LRIG1: variants seen among roughly 807,000 people sequenced by gnomAD.
LRIG1 encodes the protein leucine-rich repeats and immunoglobulin-like domains protein 1.
In LRIG1, 48 loss-of-function variants were observed where a neutral mutation model predicts 99.2. The observed-to-expected ratio is 0.48, with a 90% CI of 0.38 to 0.62. LRIG1 has a LOEUF of 0.62. Ranked by LOEUF, LRIG1 falls within the 20% of genes least tolerant of loss-of-function variation. LRIG1 has a pLI of 0.00. For missense variants in LRIG1, 1,646 were observed against 1,434.4 expected, an observed-to-expected ratio of 1.15 and a Z score of -2.38; for synonymous variants, 772 against 596.1, an observed-to-expected ratio of 1.29 and a Z score of -4.30.
chr3:66,385,842 G>A (rs1325580105), intron 13 of LRIG1, 139 bp downstream of exon 13: 6 of 795,894 alleles, frequency 7.5e-6, no homozygotes, highest in Non-Finnish European at 1.2e-5. Context: ...GCAAACCCAG[G>A]CAACAATAGG....
At chr3:66,464,717 C>A (rs565758056) in intron 1 of LRIG1, among the ~76,000 whole-genome samples, 162 of 152,250 alleles carry the variant, frequency 1.1e-3, no homozygotes, top group Non-Finnish European at 1.9e-3. Context: ...TTGGGACTAT[C>A]TGAAATGAGA....
At chr3:66,437,980 C>T (rs181410251) in intron 3 of LRIG1, among the ~76,000 whole-genome samples, 1 of 152,308 alleles carries the variant, frequency 6.6e-6, no homozygotes, top group Admixed American at 6.5e-5. Flanking sequence ...AGAGCTGGGA[C>T]TTTGTCCCAT....
At chr3:66,381,769 C>T (rs376364995) in intron 16 of LRIG1, 138 bp from the exon 17 acceptor site, 2 of 933,064 alleles carry the variant, frequency 2.1e-6, no homozygotes, top group Admixed American at 2.4e-5. Flanking sequence ...GCTGGTCTGG[C>T]AAGCAGCGTG....
At chr3:66,411,681 C>A (rs1702471455) in intron 6 of LRIG1, among the ~76,000 whole-genome samples, 1 of 152,104 alleles carries the variant, frequency 6.6e-6, no homozygotes, top group Non-Finnish European at 1.5e-5. Flanking sequence ...CTCGTTTCCA[C>A]TGCCAAGAAA....
At chr3:66,464,807 T>C (rs935461574) in intron 1 of LRIG1, among the ~76,000 whole-genome samples, 1 of 152,194 alleles carries the variant, frequency 6.6e-6, no homozygotes, top group Non-Finnish European at 1.5e-5. Flanking sequence ...CACAACACCC[T>C]TGGGTTTGTC....
At chr3:66,427,798 T>G (rs1352022945) in intron 3 of LRIG1, among the ~76,000 whole-genome samples, 1 of 152,228 alleles carries the variant, frequency 6.6e-6, no homozygotes, top group African/African-American at 2.4e-5. Context: ...TGTCTCCTGG[T>G]TGTTATTCCT....
chr3:66,410,156 C>T lies in LRIG1; in HGVS notation c.908G>A (p.Trp303Ter). The T allele has an allele frequency of 6.2e-7, 1 of 1,613,874 alleles. No individual in the cohort carries two copies. Among genetic ancestry groups the T allele is most frequent in the Non-Finnish European group, 8.5e-7 (1 of 1,179,812 alleles). The stretch of plus-strand genomic sequence containing the variant: ...CTCATGCAGCTTCTGGCAGAAGCTC[C>T]AGCCCTTGCGGTGAATGCGAGCGAT... ...NSIARIHRKG[W>*]SFCQKLHELV... The change falls in exon 7 of 19, where the codon TGG becomes TAG. Residue 303 changes from tryptophan to a stop codon, truncating the protein, a stop_gained. Coordinates refer to ENST00000273261, the MANE Select transcript of LRIG1 (RefSeq NM_015541.3). LOFTEE classifies it high-confidence loss of function.
At chr3:66,451,487 C>T (rs941738901) in intron 3 of LRIG1, 72 bp downstream of exon 3, 7 of 1,284,608 alleles carry the variant, frequency 5.4e-6, no homozygotes, top group Non-Finnish European at 7.8e-6. Flanking sequence ...ATCCTGCCAC[C>T]AGGTATCAGC....
chr3:66,410,044 T>C, intron 7 of LRIG1, 85 bp downstream of exon 7: 3 of 1,416,428 alleles, frequency 2.1e-6, no homozygotes, highest in Non-Finnish European at 2.9e-6. Context: ...GAGGCCACTG[T>C]GTGGTGGAAC....
At chr3:66,464,652 G>A (rs1700431189) in intron 1 of LRIG1, among the ~76,000 whole-genome samples, 1 of 152,148 alleles carries the variant, frequency 6.6e-6, no homozygotes. Flanking sequence ...TACACATGTG[G>A]CCTGGATAGA....
At chr3:66,498,757 T>C (rs1226464978) in intron 1 of LRIG1, among the ~76,000 whole-genome samples, 1 of 152,164 alleles carries the variant, frequency 6.6e-6, no homozygotes. Context: ...AACCTAACTG[T>C]AACTAAAGGG....
intron 12 of LRIG1, chr3:66,386,526 C>A (rs189671292): frequency 7.8e-6 from 4 of 515,872 alleles, no homozygotes; most frequent in Non-Finnish European, 1.4e-5. Context: ...TATGATCACA[C>A]TCCTTGATTA....
intron 5 of LRIG1, among the ~76,000 whole-genome samples, chr3:66,414,179 C>T (rs991127071): frequency 2.0e-4 from 31 of 152,168 alleles, no homozygotes; most frequent in African/African-American, 6.5e-4. Context: ...AGGCGGATCA[C>T]GAGGTCAGGA....
intron 1 of LRIG1, among the ~76,000 whole-genome samples, chr3:66,492,092 TTTC>T (rs1275807916): frequency 3.3e-5 from 5 of 152,228 alleles, no homozygotes; most frequent in African/African-American, 1.2e-4. Context: ...AGCTTGTTAA[TTTC>T]TTGTTATCCA....
intron 1 of LRIG1, among the ~76,000 whole-genome samples, chr3:66,483,306 T>TGCG (rs1700893423): frequency 6.6e-6 from 1 of 152,196 alleles, no homozygotes; most frequent in South Asian, 2.1e-4. Context: ...ATGGAGATCC[T>TGCG]GCGTGTCTGA....
At chr3:66,383,637 A>C (rs927420856) in intron 14 of LRIG1, among the ~76,000 whole-genome samples, 5 of 152,086 alleles carry the variant, frequency 3.3e-5, no homozygotes, top group Non-Finnish European at 5.9e-5. Context: ...GCTATTCCCT[A>C]ACTGTCCTGT....
intron 3 of LRIG1, among the ~76,000 whole-genome samples, chr3:66,421,076 C>G (rs1402468523): frequency 6.6e-6 from 1 of 152,138 alleles, no homozygotes; most frequent in African/African-American, 2.4e-5. Flanking sequence ...TAGGAAAAAC[C>G]TGCCCCCATA....
chr3:66,442,381 T>C (rs950702862), intron 3 of LRIG1, among the ~76,000 whole-genome samples: 2 of 151,918 alleles, frequency 1.3e-5, no homozygotes, highest in Non-Finnish European at 2.9e-5. Context: ...TCAGATTAGG[T>C]GCATATGCAC....
At chr3:66,381,372 G>A in intron 17 of LRIG1, 107 bp downstream of exon 17, 1 of 1,138,462 alleles carries the variant, frequency 8.8e-7, no homozygotes. Flanking sequence ...ACCAAATTTG[G>A]AGACAGCTGT....
Sources: allele counts gnomAD v4.1 joint callset (sites outside exome capture counted in the v4.1 genomes callset), GRCh38; gene constraint gnomAD v4.1.1; transcripts MANE v1.5; gene names NCBI Gene and HGNC (gene_info 2026-07-23, HGNC 2026-07-21).